MCM6: variants seen among roughly 807,000 people sequenced by gnomAD.
MCM6 encodes minichromosome maintenance complex component 6, also known as DNA replication licensing factor MCM6.
In MCM6, 46 loss-of-function variants were observed where a neutral mutation model predicts 94.3. The observed-to-expected ratio is 0.49, with a 90% CI of 0.39 to 0.62. The LOEUF (loss-of-function observed/expected upper bound fraction) is 0.62. MCM6 is among the 20% of genes least tolerant of loss of function. MCM6 has a pLI of 0.00. For synonymous variants in MCM6, 335 were observed against 351.9 expected (o/e 0.95, Z 0.54); for missense variants, 865 against 1,017.9 (o/e 0.85, Z 2.04).
Position 135,868,737 on chromosome 2 carries a change from T to C in MCM6, c.489A>G (p.Thr163=). ...ACTGCTGTTCTACATCCCTGATCAC[T>C]GTCTGACAGTCCAAGCACAGAAAAG... ...SGTFLCLDCQ[T]VIRDVEQQFK... The change falls in exon 4 of 17, where the codon ACA becomes ACG. Residue 163 remains threonine, a synonymous_variant. Coordinates refer to ENST00000264156, the MANE Select transcript of MCM6 (RefSeq NM_005915.6). The C allele has an allele frequency of 1.9e-6, 3 of 1,614,230 alleles. No homozygotes were observed. The highest frequency in any genetic ancestry group is 2.5e-6 in the Non-Finnish European group (3 of 1,180,048).
At chr2:135,859,493 C>A in intron 8 of MCM6, 51 bp from the exon 9 acceptor site, 1 of 1,327,556 alleles carries the variant, frequency 7.5e-7, no homozygotes. Context: ...TATACAGCAC[C>A]CTTCCCAGGA....
Position 135,870,386 on chromosome 2 carries a change from T to C in MCM6, c.255-25A>G, listed in dbSNP as rs1452961704. The C allele has an allele frequency of 9.6e-6, 14 of 1,454,858 alleles. No homozygotes were observed. The African/African-American group carries it at 1.1e-4, about 12-fold the overall frequency. 90.1% of individuals were successfully genotyped at this position (1,454,858 alleles called of 1,614,324 possible). A position where few individuals can be genotyped will look rare whatever the true frequency, so the allele number is the denominator to read the frequency against. ...TCTGAAAAACAAAAAAGTCAGCTGA[T>C]ACCTTAGAGGTTTACCAAGGCCTCC... On this transcript the variant is annotated intron_variant, in intron 2 of 16. Coordinates refer to ENST00000264156, the MANE Select transcript of MCM6 (RefSeq NM_005915.6).
chr2:135,841,055 C>G (rs1679561512), intron 16 of MCM6, 104 bp from the exon 17 acceptor site: 1 of 805,218 alleles, frequency 1.2e-6, no homozygotes, highest in African/African-American at 1.7e-5. Context: ...TCAACATTTT[C>G]TTTCATTTCC....
At chr2:135,841,997 C>G (rs2105569350) in intron 16 of MCM6, among the ~76,000 whole-genome samples, 1 of 152,180 alleles carries the variant, frequency 6.6e-6, no homozygotes, top group South Asian at 2.1e-4. Flanking sequence ...CCCAGCTACT[C>G]TGGAGGCTGA....
chr2:135,870,395 G>C, intron 2 of MCM6, 34 bp from the exon 3 acceptor site: 1 of 1,437,722 alleles, frequency 7.0e-7, no homozygotes, highest in South Asian at 1.2e-5. Context: ...ATACCTTAGA[G>C]GTTTACCAAG....
Position 135,862,720 on chromosome 2 carries a change from C to T in MCM6, c.1107G>A (p.Leu369=), listed in dbSNP as rs139163221. The T allele has an allele frequency of 6.2e-7, 1 of 1,614,162 alleles. No individual in the cohort carries two copies. ...HGNDEVKRGV[L]LMLFGGVPKT... The stretch of plus-strand genomic sequence containing the variant: ...TTGGAACGCCACCAAAGAGCATCAG[C>T]AGGACACCCCGTTTTACTTCATCAT... Residue 369 remains leucine, a synonymous_variant, in exon 8 of 17, where the codon CTG becomes CTA. Coordinates refer to ENST00000264156, the MANE Select transcript of MCM6 (RefSeq NM_005915.6).
At chr2:135,870,168 A>G in intron 3 of MCM6, 83 bp downstream of exon 3, 1 of 969,088 alleles carries the variant, frequency 1.0e-6, no homozygotes. Flanking sequence ...GATCAAGGCA[A>G]CCTCTCAAGT....
At chr2:135,870,414 C>T in intron 2 of MCM6, 53 bp from the exon 3 acceptor site, 1 of 1,189,262 alleles carries the variant, frequency 8.4e-7, no homozygotes, top group Non-Finnish European at 1.3e-6. Flanking sequence ...AGGCCTCCTT[C>T]CCTTTACATA....
At chr2:135,854,364 T>C (rs548705948) in intron 11 of MCM6, among the ~76,000 whole-genome samples, 7 of 151,658 alleles carry the variant, frequency 4.6e-5, no homozygotes, top group Non-Finnish European at 1.0e-4. Flanking sequence ...ACCCCGTCTC[T>C]ACTAAAAATA....
At chr2:135,858,500 A>C (rs977629439) in intron 9 of MCM6, among the ~76,000 whole-genome samples, 8 of 152,102 alleles carry the variant, frequency 5.3e-5, no homozygotes, top group African/African-American at 1.9e-4. Flanking sequence ...AAACAAGAAC[A>C]GTCTTTCAGA....
chr2:135,857,243 C>G (rs309181), intron 10 of MCM6, among the ~76,000 whole-genome samples: 76,266 of 151,958 alleles, frequency 0.5, 23,220 homozygotes, highest in Non-Finnish European at 0.7. Flanking sequence ...AATAAAAAAC[C>G]AAAGTTGATC....
At chr2:135,869,862 C>G (rs544163560) in intron 3 of MCM6, among the ~76,000 whole-genome samples, 33 of 152,272 alleles carry the variant, frequency 2.2e-4, no homozygotes, top group African/African-American at 7.7e-4. Context: ...AAATACATTT[C>G]TCCAACACTA....
chr2:135,862,668 GAA>G lies in MCM6; in HGVS notation c.1157_1158del (p.Leu386ProfsTer11), dbSNP rs1558760740. 6.2e-7 allele frequency: 1 copy of G among 1,614,066 alleles called. No homozygotes were observed. Among genetic ancestry groups the G allele is most frequent in the Admixed American group, 1.7e-5 (1 of 60,008 alleles). ...ACAATGCAAACATTTATGTCCCCTC[GAA>G]GAGAGGTCCCTTCTCCTGTTGTCTT... is the stretch of plus-strand genomic sequence containing the variant. ...VPKTTGEGTS[L>X]RGDINVCIVG... On this transcript the variant is annotated frameshift_variant, in exon 8 of 17. Transcript: ENST00000264156. LOFTEE classifies it high-confidence loss of function.
intron 11 of MCM6, among the ~76,000 whole-genome samples, chr2:135,856,366 C>T (rs1241142014): frequency 6.6e-6 from 1 of 152,142 alleles, no homozygotes; most frequent in Non-Finnish European, 1.5e-5. Flanking sequence ...TCGCTTGAAC[C>T]TTGGAAGTGG....
intron 15 of MCM6, among the ~76,000 whole-genome samples, chr2:135,845,467 A>C (rs144309124): frequency 1.6e-3 from 249 of 152,328 alleles, no homozygotes; most frequent in African/African-American, 5.8e-3. Flanking sequence ...CCTAGTGGCC[A>C]CTTTGTTGCC....
intron 12 of MCM6, chr2:135,852,039 G>A (rs1163798538): frequency 6.5e-6 from 1 of 153,502 alleles, no homozygotes; most frequent in Admixed American, 6.4e-5. Context: ...GCATGCCAAG[G>A]TTACAGAGGG....
intron 7 of MCM6, among the ~76,000 whole-genome samples, chr2:135,863,723 T>TAACAAAACAA (rs55711144): frequency 0.098 from 14,474 of 147,068 alleles, 872 homozygotes; most frequent in Middle Eastern, 0.18. Flanking sequence ...AGTAAGACCC[T>TAACAAAACAA]AACAAAACAA....
chr2:135,857,864 C>T lies in MCM6; in HGVS notation c.1470+33G>A, dbSNP rs746068682. The T allele has an allele frequency of 4.5e-6, 7 of 1,560,914 alleles. No individual in the cohort carries two copies. In the Admixed American group the frequency reaches 5.0e-5, roughly 11 times the overall value. ...CTACATTAATCAACAAGGCTATGGA[C>T]GATGCAGCAGAACAGAAGTAGATAA... On this transcript the variant is annotated intron_variant, in intron 10 of 16. Transcript: ENST00000264156.
rs374456478 is a variant in MCM6, at chr2:135,866,596, C to T, written c.748G>A (p.Val250Ile). 7.4e-6 allele frequency: 12 copies of T among 1,613,604 alleles called. No individual in the cohort carries two copies. The highest frequency in any genetic ancestry group is 6.7e-5 in the African/African-American group (5 of 75,034). ...CTAAGCTTGGAGACGTCAGGCACAA[C>T]AATCAGTGTCCCTGTAAAGTCACAC... The part of the protein sequence containing the change: ...DKCDFTGTLI[V>I]VPDVSKLSTP... Residue 250 changes from valine to isoleucine, a missense_variant, in exon 5 of 17, where the codon GTT (valine) becomes ATT (isoleucine). Transcript: ENST00000264156.
Sources: allele counts gnomAD v4.1 joint callset (sites outside exome capture counted in the v4.1 genomes callset), GRCh38; gene constraint gnomAD v4.1.1; transcripts MANE v1.5; gene names NCBI Gene and HGNC (gene_info 2026-07-23, HGNC 2026-07-21).